The following RARB variants were observed in gnomAD, a reference collection of about 807,000 sequenced individuals.
RARB encodes the protein retinoic acid receptor beta, also known as HBV-activated protein.
In RARB, 17 loss-of-function variants were observed where a neutral mutation model predicts 51.9. The ratio of observed to expected loss-of-function variants is 0.33; its 90% confidence interval spans 0.22 to 0.49. RARB has a LOEUF of 0.49. RARB is among the 20% of genes least tolerant of loss of function. The pLI, the probability that RARB is intolerant of heterozygous loss-of-function variation, is 0.99. For synonymous variants in RARB, 215 were observed against 195.4 expected (o/e 1.10, Z -0.84); for missense variants, 369 against 550.8 (o/e 0.67, Z 3.30).
intron 4 of RARB, among the ~76,000 whole-genome samples, chr3:25,139,839 A>G (rs1261795398): frequency 1.3e-5 from 2 of 152,170 alleles, no homozygotes; most frequent in Non-Finnish European, 2.9e-5. Flanking sequence ...TGATGACTTT[A>G]AGCCAATGCT....
At chr3:25,509,292 G>A (rs1024993251) in intron 3 of RARB, among the ~76,000 whole-genome samples, 1 of 152,210 alleles carries the variant, frequency 6.6e-6, no homozygotes, top group African/African-American at 2.4e-5. Flanking sequence ...GGACTCATGG[G>A]GTAATGCATT....
chr3:25,574,618 G>C (rs1881704), intron 4 of RARB, among the ~76,000 whole-genome samples: 12,585 of 152,254 alleles, frequency 0.083, 670 homozygotes, highest in Admixed American at 0.11. Context: ...TCATCACCAG[G>C]TGGGGCCTGG....
At chr3:25,259,055 G>A (rs1472524008) in intron 5 of RARB, 3 of 985,102 alleles carry the variant, frequency 3.0e-6, no homozygotes, top group Non-Finnish European at 3.6e-6. Flanking sequence ...CCAGGAATGT[G>A]AACATACTTC....
chr3:24,944,085 C>T (rs1695724806), intron 2 of RARB, among the ~76,000 whole-genome samples: 1 of 152,168 alleles, frequency 6.6e-6, no homozygotes, highest in East Asian at 1.9e-4. Flanking sequence ...ACCCTGAATC[C>T]TGTCATGATT....
intron 5 of RARB, among the ~76,000 whole-genome samples, chr3:25,316,428 G>A (rs1287964192): frequency 6.6e-6 from 1 of 151,962 alleles, no homozygotes; most frequent in Non-Finnish European, 1.5e-5. Flanking sequence ...AATATTTTAA[G>A]CCAAGTCATC....
At chr3:24,952,785 C>G (rs1259857312) in intron 2 of RARB, among the ~76,000 whole-genome samples, 1 of 152,064 alleles carries the variant, frequency 6.6e-6, no homozygotes, top group Admixed American at 6.6e-5. Flanking sequence ...ACATCAAACC[C>G]AATCCTCAAT....
At chr3:25,223,171 G>A (rs2125385778) in intron 5 of RARB, among the ~76,000 whole-genome samples, 1 of 152,060 alleles carries the variant, frequency 6.6e-6, no homozygotes, top group Non-Finnish European at 1.5e-5. Flanking sequence ...CCACCAACTG[G>A]CCCCCAGCCC....
At chr3:25,392,523 C>T (rs1451034279) in intron 5 of RARB, among the ~76,000 whole-genome samples, 1 of 152,118 alleles carries the variant, frequency 6.6e-6, no homozygotes, top group Non-Finnish European at 1.5e-5. Flanking sequence ...CATCCATGAG[C>T]CTGGGATGTG....
chr3:25,597,655 A>T lies in RARB; in HGVS notation c.*1039A>T, dbSNP rs1391865913. ...TAATATTAACAACTCCCAAAGAAAC[A>T]GGCATAGAATCTGCCTCCTTTGACC... On this transcript the variant is annotated 3_prime_UTR_variant, in exon 8 of 8. Transcript: ENST00000330688. The T allele has an allele frequency of 2.0e-5, 3 of 152,542 alleles. No homozygotes were observed. The highest frequency in any genetic ancestry group is 4.4e-5 in the Non-Finnish European group (3 of 67,994). The allele number at this position is 152,542 out of a possible 1,614,324, so 9.4% of individuals were successfully genotyped here.
chr3:25,116,881 T>C (rs1468308565), intron 3 of RARB, among the ~76,000 whole-genome samples: 2 of 152,114 alleles, frequency 1.3e-5, no homozygotes, highest in Non-Finnish European at 2.9e-5. Flanking sequence ...AGGAATGATA[T>C]GTTGTGCCAA....
At chr3:25,588,846 CAA>C (rs1474780312) in intron 5 of RARB, among the ~76,000 whole-genome samples, 1 of 152,118 alleles carries the variant, frequency 6.6e-6, no homozygotes, top group Non-Finnish European at 1.5e-5. Flanking sequence ...TTCCCCAGAG[CAA>C]GAGATTCAAG....
At chr3:25,542,355 C>T (rs1699418247) in intron 3 of RARB, among the ~76,000 whole-genome samples, 1 of 152,162 alleles carries the variant, frequency 6.6e-6, no homozygotes, top group African/African-American at 2.4e-5. Flanking sequence ...CCTCCTCATC[C>T]CCTGTAATAA....
rs1707105799 is a variant in RARB, at chr3:25,396,107, G to T, written c.179-65086G>T. 2.6e-5 allele frequency among the ~76,000 whole-genome samples: 4 copies of T among 152,174 alleles called. No homozygotes were observed. In the South Asian group the frequency reaches 8.3e-4, roughly 32 times the overall value. On this transcript the variant is annotated intron_variant, in intron 5 of 11. Coordinates refer to the RARB transcript ENST00000383772. ...TAGGGATGTGGCTTCCTAAGAACCA[G>T]ACTGTAGTGACTGTTATTTCTCTTC...
intron 3 of RARB, among the ~76,000 whole-genome samples, chr3:25,540,805 G>T (rs1036164143): frequency 6.6e-6 from 1 of 152,146 alleles, no homozygotes; most frequent in Non-Finnish European, 1.5e-5. Context: ...AGTAATAATA[G>T]AAAAGATTAA....
intron 1 of RARB, among the ~76,000 whole-genome samples, chr3:24,850,036 T>C (rs1316089049): frequency 6.6e-6 from 1 of 152,164 alleles, no homozygotes; most frequent in Non-Finnish European, 1.5e-5. Context: ...CCAAGATGAT[T>C]GCATTTGCTG....
At chr3:25,190,831 C>A (rs900249571) in intron 5 of RARB, among the ~76,000 whole-genome samples, 13 of 152,050 alleles carry the variant, frequency 8.5e-5, no homozygotes, top group African/African-American at 3.1e-4. Context: ...TAATTCCTGT[C>A]TAATCACTTG....
chr3:25,596,061 T>C (rs1158210430), intron 7 of RARB, among the ~76,000 whole-genome samples: 5 of 152,224 alleles, frequency 3.3e-5, no homozygotes, highest in African/African-American at 1.2e-4. Context: ...GTATCAGTTA[T>C]TGCTTGCATA....
At chr3:25,231,216 C>G (rs762261838) in intron 5 of RARB, among the ~76,000 whole-genome samples, 4 of 152,074 alleles carry the variant, frequency 2.6e-5, no homozygotes, top group Non-Finnish European at 5.9e-5. Flanking sequence ...CTCAACACTT[C>G]TGGAAAGTTT....
chr3:25,475,744 T>C (rs1695915608), intron 2 of RARB, among the ~76,000 whole-genome samples: 1 of 152,198 alleles, frequency 6.6e-6, no homozygotes, highest in East Asian at 1.9e-4. Flanking sequence ...AAAGTAGGCT[T>C]CAAGATCAGT....
Sources: allele counts gnomAD v4.1 joint callset (sites outside exome capture counted in the v4.1 genomes callset), GRCh38; gene constraint gnomAD v4.1.1; transcripts MANE v1.5; gene names NCBI Gene and HGNC (gene_info 2026-07-23, HGNC 2026-07-21).